FHOD3: variants seen among roughly 807,000 people sequenced by gnomAD.
The protein encoded by FHOD3 is formin homology 2 domain containing 3.
FHOD3 carries 90 observed loss-of-function variants against 173.0 expected under a neutral mutation model. The ratio of observed to expected loss-of-function variants is 0.52; its 90% CI spans 0.44 to 0.62. The LOEUF is 0.62. FHOD3 is among the 20% of genes least tolerant of loss of function. The pLI is 0.00. For missense variants in FHOD3, 1,945 were observed against 2,034.7 expected (o/e 0.96, Z 0.85); for synonymous variants, 828 against 823.0 (o/e 1.01, Z -0.10).
chr18:36,381,061 A>G (rs1404190169), intron 3 of FHOD3, among the ~76,000 whole-genome samples: 4 of 152,186 alleles, frequency 2.6e-5, no homozygotes, highest in African/African-American at 9.7e-5. Context: ...AGGCCATTGA[A>G]ATCATCTTTA....
intron 9 of FHOD3, among the ~76,000 whole-genome samples, chr18:36,618,817 G>T (rs2033459944): frequency 1.3e-5 from 2 of 152,010 alleles, no homozygotes; most frequent in Admixed American, 1.3e-4. Context: ...CATCATAAAA[G>T]AATTCCTGAC....
At chr18:36,758,133 T>G (rs573998789) in intron 25 of FHOD3, among the ~76,000 whole-genome samples, 123 of 152,348 alleles carry the variant, frequency 8.1e-4, no homozygotes, top group Admixed American at 1.4e-3. Context: ...TGTAAGAATT[T>G]TTTAAAAGAG....
Position 36,576,511 on chromosome 18 carries a change from C to T in FHOD3, c.572C>T (p.Thr191Ile), listed in dbSNP as rs771724997. The T allele has an allele frequency of 2.5e-6, 4 of 1,613,648 alleles. No individual in the cohort carries two copies. In the South Asian group the frequency reaches 4.4e-5, roughly 18 times the overall value. ...AATGGAGTAATAAACCGCAATGAAACCATTCAGTGGCTGTACACTCTCATT... is the reference window on the plus strand; with the variant it reads ...AATGGAGTAATAAACCGCAATGAAATCATTCAGTGGCTGTACACTCTCATT... ...GMNGVINRNETIQWLYTLIGS... is the reference protein window; with the variant it reads ...GMNGVINRNEIIQWLYTLIGS... Residue 191 changes from threonine (T) to isoleucine (I), a missense_variant, in exon 6 of 29, where the codon ACC (threonine) becomes ATC (isoleucine). By Grantham distance (89) the Thr-to-Ile change is moderately conservative (BLOSUM62 -1). Around this residue, in one of 5 missense-constraint regions of FHOD3, gnomAD observed 245 missense variants for 267.7 expected, o/e 0.92. Transcript: ENST00000590592.
chr18:36,780,008 A>G lies in FHOD3; in HGVS notation c.*478A>G. On this transcript the variant is annotated 3_prime_UTR_variant, in exon 29 of 29. Coordinates refer to ENST00000590592, the MANE Select transcript of FHOD3 (RefSeq NM_001281740.3). ...ATGTAACAAATGTTTATACAAATAC[A>G]TACATGTACACCATGTTTCAAATAC... 1 of 561,792 alleles carries G rather than the reference A, an allele frequency of 1.8e-6. No homozygotes were observed. Among genetic ancestry groups the G allele is most frequent in the Non-Finnish European group, 2.7e-6 (1 of 373,478 alleles). The allele number at this position is 561,792 out of a possible 1,614,324, so 34.8% of individuals were successfully genotyped here. A position where few individuals can be genotyped will look rare whatever the true frequency, so the allele number is the denominator to read the frequency against.
At chr18:36,424,266 A>G (rs1037833776) in intron 3 of FHOD3, among the ~76,000 whole-genome samples, 2 of 152,126 alleles carry the variant, frequency 1.3e-5, no homozygotes, top group African/African-American at 4.8e-5. Flanking sequence ...TTTTTGTAGT[A>G]TTTATGTATT....
chr18:36,750,085 C>G (rs2042339292), intron 24 of FHOD3, among the ~76,000 whole-genome samples: 1 of 152,046 alleles, frequency 6.6e-6, no homozygotes, highest in African/African-American at 2.4e-5. Flanking sequence ...GTCAGGAGAT[C>G]AAGATCATCC....
At chr18:36,329,048 GA>G (rs1263457844) in intron 1 of FHOD3, among the ~76,000 whole-genome samples, 1 of 152,158 alleles carries the variant, frequency 6.6e-6, no homozygotes, top group Non-Finnish European at 1.5e-5. Context: ...TGAGTACAGA[GA>G]AAGTGTGGGA....
At chr18:36,380,319 A>G (rs938277245) in intron 3 of FHOD3, among the ~76,000 whole-genome samples, 1 of 152,208 alleles carries the variant, frequency 6.6e-6, no homozygotes, top group Non-Finnish European at 1.5e-5. Context: ...CTGTAATCCC[A>G]GTAACTGGAT....
At chr18:36,735,989 A>T (rs1259561939) in intron 20 of FHOD3, among the ~76,000 whole-genome samples, 1 of 152,230 alleles carries the variant, frequency 6.6e-6, no homozygotes. Context: ...TGCTGGAGAG[A>T]CGCTGTCTAG....
In FHOD3 at chr18:36,625,656, A is replaced by G. The variant is rs2034046517; in HGVS notation, c.1103A>G (p.Gln368Arg). 11 of 1,612,396 alleles carry G rather than the reference A, an allele frequency of 6.8e-6. No individual in the cohort carries two copies. The highest frequency in any genetic ancestry group is 6.7e-5 in the East Asian group (3 of 44,724). ...AGAAGGAGCCGCAGGCACTCGGTGCAGAGCATCAAGAGCACCCTGTCGGCC... is the reference window on the plus strand; with the variant it reads ...AGAAGGAGCCGCAGGCACTCGGTGCGGAGCATCAAGAGCACCCTGTCGGCC... The part of the protein sequence containing the change: ...DRRRSRRHSV[Q>R]SIKSTLSAPT... The change falls in exon 10 of 29, where the codon CAG (glutamine) becomes CGG (arginine). Residue 368 changes from glutamine to arginine, a missense_variant. Transcript: ENST00000590592.
At chr18:36,606,500 T>G (rs1008993629) in intron 8 of FHOD3, among the ~76,000 whole-genome samples, 34 of 152,150 alleles carry the variant, frequency 2.2e-4, no homozygotes, top group African/African-American at 7.5e-4. Flanking sequence ...GGGGATTATG[T>G]TTCTAACGCA....
intron 3 of FHOD3, among the ~76,000 whole-genome samples, chr18:36,492,914 C>G: frequency 6.6e-6 from 1 of 152,326 alleles, no homozygotes; most frequent in East Asian, 1.9e-4. Flanking sequence ...TTCAGTGGCT[C>G]AGTTGTTTAC....
At chr18:36,613,492 T>G (rs771614085) in intron 9 of FHOD3, among the ~76,000 whole-genome samples, 18 of 152,188 alleles carry the variant, frequency 1.2e-4, no homozygotes, top group Non-Finnish European at 2.1e-4. Flanking sequence ...TAGGGGCAGA[T>G]CTGAAGATGT....
intron 1 of FHOD3, among the ~76,000 whole-genome samples, chr18:36,352,440 A>T (rs1289274148): frequency 6.6e-6 from 1 of 152,220 alleles, no homozygotes; most frequent in Admixed American, 6.5e-5. Flanking sequence ...TCTGTGTGGT[A>T]GAAATGCTGT....
intron 25 of FHOD3, among the ~76,000 whole-genome samples, chr18:36,756,898 G>T (rs551501103): frequency 6.6e-6 from 1 of 152,226 alleles, no homozygotes; most frequent in Admixed American, 6.5e-5. Flanking sequence ...AGTTCAGTAG[G>T]ATCCACAGCC....
intron 1 of FHOD3, among the ~76,000 whole-genome samples, chr18:36,311,159 A>G (rs1893355): frequency 0.026 from 3,914 of 149,930 alleles, 107 homozygotes; most frequent in Admixed American, 0.087. Context: ...ACCTGTGTAG[A>G]TAGCATGGGA....
intron 3 of FHOD3, among the ~76,000 whole-genome samples, chr18:36,409,478 T>C (rs2049240364): frequency 6.6e-6 from 1 of 152,150 alleles, no homozygotes; most frequent in Admixed American, 6.5e-5. Flanking sequence ...ATCTCCCTGG[T>C]CTGGGAGCCC....
rs112422273 is a variant in FHOD3 at position 36,331,074 on chromosome 18, T to C, written c.166-24465T>C. ...GCAAATCTCTTTGTAATATTTTGCTTGTTCTGATTTCCTCCAAAGAGGTGT... is the reference window on the plus strand; with the variant it reads ...GCAAATCTCTTTGTAATATTTTGCTCGTTCTGATTTCCTCCAAAGAGGTGT... On this transcript the variant is annotated intron_variant, in intron 1 of 28. Transcript: ENST00000590592. 7.7e-3 allele frequency among the ~76,000 whole-genome samples: 1,167 copies of C among 152,346 alleles called. 12 individuals are homozygous for C. Among genetic ancestry groups the C allele is most frequent in the African/African-American group, 0.026 (1,101 of 41,574 alleles).
intron 3 of FHOD3, among the ~76,000 whole-genome samples, chr18:36,428,746 G>A (rs1015235201): frequency 6.6e-6 from 1 of 152,094 alleles, no homozygotes; most frequent in African/African-American, 2.4e-5. Context: ...ATCATTCCAG[G>A]GACCATCACT....
Sources: gnomAD v4.1 joint callset for allele counts (sites outside exome capture counted in the v4.1 genomes callset) on GRCh38, gnomAD v4.1.1 for gene constraint, gnomAD v4.1.1 regional missense constraint, MANE v1.5 for transcripts, NCBI Gene and HGNC (gene_info 2026-07-23, HGNC 2026-07-21) for gene names.